Variants in PALM2AKAP2 observed in about 807,000 individuals in gnomAD.
PALM2AKAP2 encodes the protein PALM2-AKAP2 fusion protein.
Under a neutral mutation model 71.5 loss-of-function variants are expected in PALM2AKAP2, and 37 were observed. The observed-to-expected ratio is 0.52, with a 90% CI of 0.40 to 0.68. The LOEUF (loss-of-function observed/expected upper bound fraction) is 0.68, where lower values mean the gene tolerates loss of function less well. PALM2AKAP2 is among the 30% of genes least tolerant of loss of function. The probability of loss-of-function intolerance (pLI) is 0.00; values close to 1 mark genes in which losing one functional copy is unlikely to be tolerated. For missense variants in PALM2AKAP2, 1,224 were observed against 1,191.8 expected (o/e 1.03, Z -0.40); for synonymous variants, 468 against 478.8 (o/e 0.98, Z 0.29).
chr9:109,727,887 A>G (rs1019548599), intron 1 of PALM2AKAP2, among the ~76,000 whole-genome samples: 1 of 152,194 alleles, frequency 6.6e-6, no homozygotes, highest in Non-Finnish European at 1.5e-5. Context: ...CTAACTAACT[A>G]TATGTTCTTC....
chr9:110,139,146 T>C lies in PALM2AKAP2; in HGVS notation c.2569+607T>C, dbSNP rs138976034. Among the ~76,000 whole-genome samples, 467 of 152,374 alleles carry C rather than the reference T, an allele frequency of 3.1e-3. 3 individuals carry two copies. Among genetic ancestry groups the C allele is most frequent in the African/African-American group, 0.01 (434 of 41,586 alleles). ...GGAGTGGACGCATCTGTTCTTGTCA[T>C]GTGACCCATTTGGAAAAGTTGAATT... On this transcript the variant is annotated intron_variant, in intron 2 of 3. Transcript: ENST00000374525.
chr9:109,903,531 A>C (rs1269178902), intron 3 of PALM2AKAP2, among the ~76,000 whole-genome samples: 1 of 152,192 alleles, frequency 6.6e-6, no homozygotes, highest in Non-Finnish European at 1.5e-5. Flanking sequence ...ATATTTTTGC[A>C]CACAGCATTA....
At chr9:110,004,896 T>C (rs536776612) in intron 6 of PALM2AKAP2, among the ~76,000 whole-genome samples, 50 of 152,370 alleles carry the variant, frequency 3.3e-4, no homozygotes, top group African/African-American at 1.2e-3. Context: ...CTTTAAGGAC[T>C]TCTTTGCATT....
chr9:110,005,634 C>T (rs553874156), intron 6 of PALM2AKAP2, among the ~76,000 whole-genome samples: 1 of 152,356 alleles, frequency 6.6e-6, no homozygotes, highest in East Asian at 1.9e-4. Context: ...GTGGAGTTTA[C>T]AGAGGCAGGC....
chr9:109,756,848 G>A (rs567299798), intron 1 of PALM2AKAP2, among the ~76,000 whole-genome samples: 2 of 151,786 alleles, frequency 1.3e-5, no homozygotes, highest in Non-Finnish European at 2.9e-5. Context: ...AATTTTTTTT[G>A]ATGAGTACAT....
At chr9:109,683,847 T>G (rs1272929975) in intron 1 of PALM2AKAP2, among the ~76,000 whole-genome samples, 1 of 152,090 alleles carries the variant, frequency 6.6e-6, no homozygotes, top group Non-Finnish European at 1.5e-5. Flanking sequence ...TAATGTGCAT[T>G]AATTATACAT....
intron 1 of PALM2AKAP2, among the ~76,000 whole-genome samples, chr9:109,814,537 C>G (rs542888735): frequency 6.6e-6 from 1 of 152,186 alleles, no homozygotes; most frequent in Non-Finnish European, 1.5e-5. Context: ...TCTCCTGATT[C>G]ACTCATATGC....
chr9:109,704,062 TGGTG>T (rs1256711173), intron 1 of PALM2AKAP2, among the ~76,000 whole-genome samples: 17 of 152,240 alleles, frequency 1.1e-4, no homozygotes, highest in African/African-American at 3.6e-4. Context: ...TTTAGGACAG[TGGTG>T]AGGGGACATC....
chr9:109,961,257 A>G (rs1831846747), intron 6 of PALM2AKAP2, among the ~76,000 whole-genome samples: 1 of 152,272 alleles, frequency 6.6e-6, no homozygotes, highest in African/African-American at 2.4e-5. Flanking sequence ...GTCAAGTTGC[A>G]GGAATCAGTT....
intron 1 of PALM2AKAP2, among the ~76,000 whole-genome samples, chr9:110,107,376 A>C (rs1835143259): frequency 6.6e-6 from 1 of 152,244 alleles, no homozygotes; most frequent in African/African-American, 2.4e-5. Flanking sequence ...GTAATATATA[A>C]TAAGTAAATT....
At chr9:109,640,830 C>T in exon 1 of PALM2AKAP2, 2 of 1,515,904 alleles carry the variant, frequency 1.3e-6, no homozygotes, top group Non-Finnish European at 1.8e-6. Flanking sequence ...CGGTGAGCCC[C>T]GCAGCAGCGC....
At chr9:110,118,809 T>C (rs540607319) in intron 1 of PALM2AKAP2, among the ~76,000 whole-genome samples, 1 of 152,238 alleles carries the variant, frequency 6.6e-6, no homozygotes, top group Non-Finnish European at 1.5e-5. Context: ...CGGTTTCTTA[T>C]GTGTCCTTCC....
At chr9:109,974,374 A>G (rs1177519679) in intron 6 of PALM2AKAP2, among the ~76,000 whole-genome samples, 2 of 152,112 alleles carry the variant, frequency 1.3e-5, no homozygotes, top group African/African-American at 4.8e-5. Flanking sequence ...CCGACTAGTG[A>G]GTCTGACCCA....
In PALM2AKAP2 at chr9:109,689,200, CTT is replaced by C. The variant is rs200092612; in HGVS notation, c.5+48354_5+48355del. ...GGAACAATACCTTCTTTTTTCTTTT[CTT>C]TTTTTTTTTTTTTTTTTTTAGATGG... On this transcript the variant is annotated intron_variant, in intron 1 of 6. Transcript: ENST00000374531. 7.2e-3 allele frequency among the ~76,000 whole-genome samples: 971 copies of C among 134,118 alleles called. 4 individuals carry two copies. The highest frequency in any genetic ancestry group is 0.01 in the Non-Finnish European group (659 of 63,274). The allele number at this position is 134,118 out of a possible 152,430, so 88.0% of individuals were successfully genotyped here.
chr9:109,648,617 G>A (rs777539857), intron 1 of PALM2AKAP2, among the ~76,000 whole-genome samples: 1 of 152,190 alleles, frequency 6.6e-6, no homozygotes, highest in Non-Finnish European at 1.5e-5. Flanking sequence ...GACTTGGTAA[G>A]TTTGGATAGA....
chr9:109,910,280 G>C (rs61650039), intron 3 of PALM2AKAP2, among the ~76,000 whole-genome samples: 8,877 of 152,250 alleles, frequency 0.058, 375 homozygotes, highest in Admixed American at 0.12. Context: ...CAGCTCTATG[G>C]AGAAAGATGA....
upstream of PALM2AKAP2, among the ~76,000 whole-genome samples, chr9:109,775,406 T>C (rs2118775858): frequency 6.6e-6 from 1 of 152,358 alleles, no homozygotes; most frequent in Non-Finnish European, 1.5e-5. Flanking sequence ...TCTTGCTCCA[T>C]GGGGACTCCC....
At chr9:110,092,735 T>A (rs1169725993) in intron 1 of PALM2AKAP2, among the ~76,000 whole-genome samples, 1 of 152,202 alleles carries the variant, frequency 6.6e-6, no homozygotes, top group East Asian at 1.9e-4. Context: ...AACGATGTTA[T>A]CCGCCTCTCT....
chr9:110,066,060 T>C (rs1347900364), intron 1 of PALM2AKAP2, among the ~76,000 whole-genome samples: 1 of 152,222 alleles, frequency 6.6e-6, no homozygotes, highest in Non-Finnish European at 1.5e-5. Flanking sequence ...AGTTCCCTAC[T>C]TTGGAGAAGT....
Sources: gnomAD v4.1 joint callset for allele counts (sites outside exome capture counted in the v4.1 genomes callset) on GRCh38, gnomAD v4.1.1 for gene constraint, MANE v1.5 for transcripts, NCBI Gene and HGNC (gene_info 2026-07-23, HGNC 2026-07-21) for gene names.